The following ZC3H12B variants were observed in gnomAD, a reference collection of about 807,000 sequenced individuals.
The protein encoded by ZC3H12B is zinc finger CCCH-type containing 12B.
ZC3H12B carries 7 observed loss-of-function variants against 43.9 expected under a neutral mutation model. The observed-to-expected ratio is 0.16, with a 90% CI of 0.09 to 0.30. The LOEUF (loss-of-function observed/expected upper bound fraction) is 0.30, where lower values mean the gene tolerates loss of function less well. Ranked by LOEUF, ZC3H12B falls within the 10% of genes least tolerant of loss-of-function variation. The pLI is 1.00. For missense variants in ZC3H12B, 475 were observed against 670.2 expected (o/e 0.71, Z 3.22); for synonymous variants, 222 against 241.7 (o/e 0.92, Z 0.76).
the ZC3H12B span, among the ~76,000 whole-genome samples, chrX:65,148,341 G>C: frequency 1.8e-5 from 2 of 111,401 alleles, no homozygotes; most frequent in African/African-American, 6.5e-5. Context: ...CTAGCCTGGT[G>C]GCTGGGTTCA....
the ZC3H12B span, among the ~76,000 whole-genome samples, chrX:65,111,893 A>G: frequency 9.0e-6 from 1 of 110,966 alleles, no homozygotes; most frequent in Non-Finnish European, 1.9e-5. Context: ...CTGAGACACA[A>G]TGGCCTCTAA....
the ZC3H12B span, among the ~76,000 whole-genome samples, chrX:65,170,520 G>T: frequency 9.0e-6 from 1 of 111,020 alleles, no homozygotes; most frequent in Non-Finnish European, 1.9e-5. Flanking sequence ...TCTTGGAATT[G>T]CTCTTCTCTA....
chrX:65,253,384 C>T, the ZC3H12B span, among the ~76,000 whole-genome samples: 1 of 112,073 alleles, frequency 8.9e-6, no homozygotes, highest in East Asian at 2.8e-4. Flanking sequence ...GCAGGAGAAC[C>T]CACGACCCCC....
chrX:65,267,985 G>C, the ZC3H12B span, among the ~76,000 whole-genome samples: 3 of 110,436 alleles, frequency 2.7e-5, no homozygotes, highest in Non-Finnish European at 5.7e-5. Context: ...CCTGTGAGTT[G>C]GTTCTTTGAA....
the ZC3H12B span, among the ~76,000 whole-genome samples, chrX:65,349,732 T>A: frequency 5.4e-5 from 6 of 111,692 alleles, no homozygotes; most frequent in African/African-American, 2.0e-4. Context: ...AACACCTCTA[T>A]GCAAATAAAC....
the ZC3H12B span, among the ~76,000 whole-genome samples, chrX:65,120,491 T>C: frequency 2.7e-5 from 3 of 111,964 alleles, no homozygotes; most frequent in Non-Finnish European, 5.6e-5. Context: ...TTTTTGCATG[T>C]TGATTTTGTA....
At chrX:65,367,012 G>T (rs2066182598) in intron 1 of ZC3H12B, among the ~76,000 whole-genome samples, 1 of 111,815 alleles carries the variant, frequency 8.9e-6, no homozygotes, top group Non-Finnish European at 1.9e-5. Context: ...TACATGTAAG[G>T]CTTAGCACAG....
the ZC3H12B span, among the ~76,000 whole-genome samples, chrX:65,167,041 T>C: frequency 8.9e-6 from 1 of 112,022 alleles, no homozygotes; most frequent in Non-Finnish European, 1.9e-5. Context: ...AAGCCCTTTA[T>C]TTTAATTAGA....
At chrX:65,278,670 G>C in the ZC3H12B span, among the ~76,000 whole-genome samples, 1 of 111,203 alleles carries the variant, frequency 9.0e-6, no homozygotes, top group African/African-American at 3.3e-5. Context: ...GTTTATTTTA[G>C]CTTCAGGGAT....
At chrX:65,318,777 G>C in the ZC3H12B span, among the ~76,000 whole-genome samples, 2 of 109,814 alleles carry the variant, frequency 1.8e-5, no homozygotes, top group African/African-American at 6.6e-5. Context: ...ACTTTTTGTT[G>C]GGATTTTTTT....
At chrX:65,056,439 A>C in the ZC3H12B span, among the ~76,000 whole-genome samples, 1 of 111,587 alleles carries the variant, frequency 9.0e-6, no homozygotes, top group African/African-American at 3.3e-5. Flanking sequence ...GTTTGATTGC[A>C]CTGTGGTCTC....
the ZC3H12B span, among the ~76,000 whole-genome samples, chrX:65,361,412 A>G: frequency 8.9e-6 from 1 of 111,942 alleles, no homozygotes; most frequent in African/African-American, 3.2e-5. Context: ...TATCCAGTCC[A>G]TTTTTTACTC....
the ZC3H12B span, among the ~76,000 whole-genome samples, chrX:65,071,669 T>A: frequency 8.9e-6 from 1 of 112,069 alleles, no homozygotes; most frequent in Non-Finnish European, 1.9e-5. Flanking sequence ...CCCTAAGCAT[T>A]TGCTTTTCTG....
At chrX:65,057,199 C>T in the ZC3H12B span, among the ~76,000 whole-genome samples, 5 of 111,833 alleles carry the variant, frequency 4.5e-5, no homozygotes, top group African/African-American at 1.3e-4. Context: ...TACAATTTGG[C>T]ATGTTTTTGC....
chrX:65,434,410 A>G (rs1044015074), intron 3 of ZC3H12B, among the ~76,000 whole-genome samples: 2 of 112,123 alleles, frequency 1.8e-5, no homozygotes, highest in African/African-American at 6.5e-5. Flanking sequence ...GGCATCTCCA[A>G]CTGGTTCATA....
the ZC3H12B span, among the ~76,000 whole-genome samples, chrX:65,203,916 G>A: frequency 8.9e-6 from 1 of 111,945 alleles, no homozygotes; most frequent in Non-Finnish European, 1.9e-5. Context: ...TCCAAATGCT[G>A]GGATGAGTGA....
chrX:65,503,502 T>C (rs192719288), exon 5 of ZC3H12B: 1 of 204,802 alleles, frequency 4.9e-6, no homozygotes, highest in Non-Finnish European at 8.8e-6. Flanking sequence ...CCCTTTGCAC[T>C]GCACCATGCA....
chrX:65,296,399 A>C, the ZC3H12B span, among the ~76,000 whole-genome samples: 3 of 111,082 alleles, frequency 2.7e-5, no homozygotes. Context: ...ATTTGGGTAC[A>C]GTATACACTG....
the ZC3H12B span, among the ~76,000 whole-genome samples, chrX:65,196,521 C>T: frequency 9.0e-6 from 1 of 111,365 alleles, no homozygotes; most frequent in Non-Finnish European, 1.9e-5. Context: ...GCATCAGTTT[C>T]ACAGGCTCAA....
Sources: gnomAD v4.1 joint callset for allele counts (sites outside exome capture counted in the v4.1 genomes callset) on GRCh38, gnomAD v4.1.1 for gene constraint, MANE v1.5 for transcripts, NCBI Gene and HGNC (gene_info 2026-07-23, HGNC 2026-07-21) for gene names.